GSK3B: variants seen among roughly 807,000 people sequenced by gnomAD.
The protein encoded by GSK3B is glycogen synthase kinase-3 beta.
A neutral mutation model predicts 56.4 loss-of-function variants in GSK3B; 15 were observed. The ratio of observed to expected loss-of-function variants is 0.27; its 90% CI spans 0.18 to 0.41. The LOEUF (loss-of-function observed/expected upper bound fraction) is 0.41, where lower values mean the gene tolerates loss of function less well. Ranked by LOEUF, GSK3B falls within the 10% of genes least tolerant of loss-of-function variation. The probability of loss-of-function intolerance (pLI) is 1.00; values close to 1 mark genes in which losing one functional copy is unlikely to be tolerated. For synonymous variants in GSK3B, 181 were observed against 188.9 expected, an observed-to-expected ratio of 0.96 and a Z score of 0.34; for missense variants, 300 against 513.4, an observed-to-expected ratio of 0.58 and a Z score of 4.02.
intron 10 of GSK3B, among the ~76,000 whole-genome samples, chr3:119,827,852 G>A (rs1459772254): frequency 7.2e-6 from 1 of 138,542 alleles, no homozygotes; most frequent in Admixed American, 7.0e-5. Flanking sequence ...GGGGGAAGTG[G>A]GGATGGTTAA....
intron 6 of GSK3B, 42 bp downstream of exon 6, chr3:119,912,662 G>A (rs780310990): frequency 1.2e-5 from 10 of 856,706 alleles, no homozygotes; most frequent in Middle Eastern, 2.3e-4. Flanking sequence ...AAATCAAGAA[G>A]CAATTAATAA....
intron 7 of GSK3B, among the ~76,000 whole-genome samples, chr3:119,895,396 T>A (rs1490457018): frequency 6.6e-6 from 1 of 151,260 alleles, no homozygotes; most frequent in Non-Finnish European, 1.5e-5. Context: ...AGTACAGATA[T>A]CTCTTTGACA....
intron 1 of GSK3B, among the ~76,000 whole-genome samples, chr3:120,066,867 C>G (rs767129057): frequency 5.3e-5 from 8 of 152,104 alleles, no homozygotes; most frequent in Non-Finnish European, 1.2e-4. Context: ...AGCAGTGGAT[C>G]GTATTTGGCC....
At chr3:119,948,034 C>T (rs1015618138) in intron 2 of GSK3B, among the ~76,000 whole-genome samples, 7 of 152,134 alleles carry the variant, frequency 4.6e-5, no homozygotes, top group East Asian at 1.9e-4. Flanking sequence ...CCACAGACTT[C>T]GCAGCAGTAA....
At chr3:119,929,543 G>A (rs2056922321) in intron 3 of GSK3B, among the ~76,000 whole-genome samples, 1 of 152,256 alleles carries the variant, frequency 6.6e-6, no homozygotes, top group African/African-American at 2.4e-5. Context: ...CAAGGCAGAA[G>A]GATCACTTGA....
intron 2 of GSK3B, among the ~76,000 whole-genome samples, chr3:119,948,287 A>ACTT (rs1181335775): frequency 1.3e-5 from 2 of 152,328 alleles, no homozygotes; most frequent in Admixed American, 6.5e-5. Context: ...GAGGCCAAGA[A>ACTT]GGATGGGGAT....
At chr3:119,869,237 A>AAAC (rs1362652850) in intron 8 of GSK3B, among the ~76,000 whole-genome samples, 2 of 141,990 alleles carry the variant, frequency 1.4e-5, no homozygotes, top group African/African-American at 6.1e-5. Context: ...AAAAAAAAAA[A>AAAC]AAAAAAAAAC....
chr3:119,988,843 A>C (rs1035322168), intron 2 of GSK3B, among the ~76,000 whole-genome samples: 4 of 152,250 alleles, frequency 2.6e-5, no homozygotes, highest in Non-Finnish European at 4.4e-5. Flanking sequence ...CACTGTATGC[A>C]AATAATTAAG....
chr3:120,049,157 A>G (rs754730285), intron 1 of GSK3B, among the ~76,000 whole-genome samples: 2 of 152,208 alleles, frequency 1.3e-5, no homozygotes, highest in Non-Finnish European at 2.9e-5. Flanking sequence ...ACCTACTATG[A>G]ATCTAGCATG....
chr3:120,088,508 T>C (rs991216265), intron 1 of GSK3B, among the ~76,000 whole-genome samples: 1 of 152,182 alleles, frequency 6.6e-6, no homozygotes, highest in Non-Finnish European at 1.5e-5. Flanking sequence ...CCAAGGATGA[T>C]TTGTATAACT....
intron 1 of GSK3B, among the ~76,000 whole-genome samples, chr3:120,091,854 T>A (rs1378662732): frequency 6.6e-6 from 1 of 152,070 alleles, no homozygotes; most frequent in Non-Finnish European, 1.5e-5. Flanking sequence ...TCAAAAATTA[T>A]CTCCCATTCA....
chr3:119,884,982 T>C (rs964422757), intron 7 of GSK3B, among the ~76,000 whole-genome samples: 3 of 152,076 alleles, frequency 2.0e-5, no homozygotes, highest in Non-Finnish European at 2.9e-5. Context: ...CCAGAAGTGC[T>C]AGCCAGAGCA....
intron 3 of GSK3B, among the ~76,000 whole-genome samples, chr3:119,932,296 T>C (rs2056953910): frequency 6.6e-6 from 1 of 152,242 alleles, no homozygotes; most frequent in Admixed American, 6.5e-5. Flanking sequence ...ATAGCTATCT[T>C]TTCTCTGATG....
intron 2 of GSK3B, among the ~76,000 whole-genome samples, chr3:119,967,925 C>T (rs2057334468): frequency 6.6e-6 from 1 of 151,498 alleles, no homozygotes; most frequent in South Asian, 2.1e-4. Context: ...GCACAATCTC[C>T]ACTCACTAGA....
chr3:120,086,466 A>C (rs1363763200), intron 1 of GSK3B, among the ~76,000 whole-genome samples: 1 of 152,202 alleles, frequency 6.6e-6, no homozygotes, highest in Non-Finnish European at 1.5e-5. Context: ...CCAGGTTTCC[A>C]CAAGAGATTT....
intron 2 of GSK3B, among the ~76,000 whole-genome samples, chr3:119,991,813 A>C (rs957800917): frequency 2.0e-5 from 3 of 152,100 alleles, no homozygotes; most frequent in Non-Finnish European, 4.4e-5. Flanking sequence ...ACAAGGAAAA[A>C]AACCGAGCTT....
At chr3:120,084,098 G>C (rs1439966618) in intron 1 of GSK3B, among the ~76,000 whole-genome samples, 3 of 152,140 alleles carry the variant, frequency 2.0e-5, no homozygotes, top group Non-Finnish European at 4.4e-5. Context: ...ATGAAAAAAT[G>C]AATGTTACGG....
chr3:119,914,008 C>T (rs2056759336), intron 5 of GSK3B, among the ~76,000 whole-genome samples: 1 of 152,008 alleles, frequency 6.6e-6, no homozygotes, highest in Admixed American at 6.6e-5. Context: ...TCAGAAAATT[C>T]ATTACGAGAC....
chr3:119,932,685 A>G (rs534305360), intron 3 of GSK3B, among the ~76,000 whole-genome samples: 3 of 152,294 alleles, frequency 2.0e-5, no homozygotes, highest in Admixed American at 6.5e-5. Context: ...GTAAAAAAAA[A>G]CCATGACAAT....
Sources: allele counts gnomAD v4.1 joint callset (sites outside exome capture counted in the v4.1 genomes callset), GRCh38; gene constraint gnomAD v4.1.1; transcripts MANE v1.5; gene names NCBI Gene and HGNC (gene_info 2026-07-23, HGNC 2026-07-21).